The following ATG10 variants were observed in gnomAD, a reference collection of about 807,000 sequenced individuals.
ATG10 encodes the protein ubiquitin-like-conjugating enzyme ATG10.
In ATG10, 30 loss-of-function variants were observed where a neutral mutation model predicts 32.1. The ratio of observed to expected loss-of-function variants is 0.94; its 90% confidence interval spans 0.70 to 1.27. The LOEUF (loss-of-function observed/expected upper bound fraction) is 1.27. Ranked by LOEUF, ATG10 falls within the 50% of genes most tolerant of loss-of-function variation. The pLI, the probability that ATG10 is intolerant of heterozygous loss-of-function variation, is 0.00. For missense variants in ATG10, 233 were observed against 262.3 expected (o/e 0.89, Z 0.77); for synonymous variants, 87 against 91.5 (o/e 0.95, Z 0.28).
chr5:82,131,045 G>C (rs1766498219), intron 3 of ATG10, among the ~76,000 whole-genome samples: 1 of 151,994 alleles, frequency 6.6e-6, no homozygotes, highest in Admixed American at 6.6e-5. Context: ...ACAGAAACAT[G>C]GGCACAATAG....
At position 82,245,498 on chromosome 5, in the gene ATG10, C is replaced by T. The variant is rs146075781; in HGVS notation, c.454-7064C>T. ...AATAGTATTGGCTCAGGTTACTATG[C>T]TAACTTTGAATTCTGTGATTTCTGT... On this transcript the variant is annotated intron_variant, in intron 5 of 7. Coordinates refer to ENST00000282185, the MANE Select transcript of ATG10 (RefSeq NM_031482.5). Among the ~76,000 whole-genome samples, 3 of 152,264 alleles carry T rather than the reference C, an allele frequency of 2.0e-5. No homozygotes were observed. In the East Asian group the frequency reaches 5.8e-4, roughly 29 times the overall value.
rs546500823 is a variant in ATG10 at position 82,023,610 on chromosome 5, CTGTT to C, written c.109-34882_109-34879del. Among the ~76,000 whole-genome samples the C allele has an allele frequency of 2.3e-3, 354 of 152,290 alleles. 3 individuals carry two copies. The highest frequency in any genetic ancestry group is 8.2e-3 in the African/African-American group (339 of 41,564). On this transcript the variant is annotated intron_variant, in intron 2 of 7. Coordinates refer to ENST00000282185, the MANE Select transcript of ATG10 (RefSeq NM_031482.5). ...TACATTAATGAGTTTTGTACAGAGACTGTTTGGAATAAAATCCTTTTTCATCAGA... is the reference window on the plus strand; with the variant it reads ...TACATTAATGAGTTTTGTACAGAGACTGGAATAAAATCCTTTTTCATCAGA...
At chr5:82,106,112 G>A (rs973460768) in intron 3 of ATG10, among the ~76,000 whole-genome samples, 1 of 152,036 alleles carries the variant, frequency 6.6e-6, no homozygotes, top group East Asian at 1.9e-4. Flanking sequence ...TCAAGAATGT[G>A]CATGAAACCT....
intron 5 of ATG10, among the ~76,000 whole-genome samples, chr5:82,186,974 G>T (rs1454097476): frequency 6.6e-6 from 1 of 152,068 alleles, no homozygotes; most frequent in African/African-American, 2.4e-5. Context: ...ACATTTTAAT[G>T]AATTCTGTTT....
intron 5 of ATG10, among the ~76,000 whole-genome samples, chr5:82,245,888 C>T (rs1747009196): frequency 6.6e-6 from 1 of 152,086 alleles, no homozygotes; most frequent in South Asian, 2.1e-4. Context: ...AGTGTTGAAG[C>T]ATGTACAATT....
At chr5:82,030,769 G>T (rs1762722096) in intron 2 of ATG10, among the ~76,000 whole-genome samples, 1 of 152,182 alleles carries the variant, frequency 6.6e-6, no homozygotes, top group Admixed American at 6.5e-5. Context: ...CTACGTGACA[G>T]CCTGTCACAT....
chr5:82,031,382 A>G (rs1561263833), intron 2 of ATG10, among the ~76,000 whole-genome samples: 1 of 152,214 alleles, frequency 6.6e-6, no homozygotes, highest in Admixed American at 6.5e-5. Context: ...CAACACACAT[A>G]GGTTATCAAG....
At chr5:82,222,600 A>G (rs904341677) in intron 5 of ATG10, among the ~76,000 whole-genome samples, 1 of 152,206 alleles carries the variant, frequency 6.6e-6, no homozygotes, top group Non-Finnish European at 1.5e-5. Context: ...AAATGATGTT[A>G]TATTTAAATA....
intron 4 of ATG10, among the ~76,000 whole-genome samples, chr5:82,177,175 G>T (rs1348078116): frequency 6.6e-6 from 1 of 152,142 alleles, no homozygotes; most frequent in African/African-American, 2.4e-5. Flanking sequence ...ATTCACTAAT[G>T]TAAGCCTCAA....
intron 2 of ATG10, among the ~76,000 whole-genome samples, chr5:82,045,320 G>A (rs1763201018): frequency 6.6e-6 from 1 of 152,080 alleles, no homozygotes; most frequent in East Asian, 1.9e-4. Context: ...TTTAGGTTAA[G>A]ACATTATATA....
At chr5:82,072,238 C>T (rs1764151445) in intron 3 of ATG10, among the ~76,000 whole-genome samples, 1 of 152,028 alleles carries the variant, frequency 6.6e-6, no homozygotes, top group Non-Finnish European at 1.5e-5. Flanking sequence ...TTGTCCTTGT[C>T]TATGTATTCT....
chr5:82,151,104 C>T lies in ATG10; in HGVS notation c.217-13295C>T, dbSNP rs527800510. ...AAAGTGAATGCATGCCCCCAGAGGG[C>T]TTGCAAAACAATCCATTGAGATGTG... On this transcript the variant is annotated intron_variant, in intron 3 of 7. Transcript: ENST00000282185. 1.5e-3 allele frequency among the ~76,000 whole-genome samples: 226 copies of T among 152,294 alleles called. 2 individuals are homozygous for T. The highest frequency in any genetic ancestry group is 5.3e-3 in the African/African-American group (219 of 41,568).
At chr5:81,979,995 T>C (rs967788720) in intron 1 of ATG10, among the ~76,000 whole-genome samples, 5 of 152,122 alleles carry the variant, frequency 3.3e-5, no homozygotes, top group African/African-American at 1.2e-4. Flanking sequence ...CTTTTTTCTT[T>C]TGTGTGTTTG....
chr5:82,139,711 G>T (rs1766977834), intron 3 of ATG10, among the ~76,000 whole-genome samples: 4 of 128,466 alleles, frequency 3.1e-5, no homozygotes, highest in African/African-American at 1.0e-4. Flanking sequence ...GGAGGGAGGT[G>T]GGGGGGGGTC....
intron 5 of ATG10, among the ~76,000 whole-genome samples, chr5:82,196,249 G>A (rs1282398680): frequency 6.6e-6 from 1 of 151,982 alleles, no homozygotes; most frequent in Non-Finnish European, 1.5e-5. Flanking sequence ...TCATTGTCGA[G>A]TGATGAGAGT....
At chr5:82,169,960 T>C (rs1481229948) in intron 4 of ATG10, among the ~76,000 whole-genome samples, 1 of 152,148 alleles carries the variant, frequency 6.6e-6, no homozygotes, top group African/African-American at 2.4e-5. Flanking sequence ...ATGATAGCAA[T>C]AGAATCTCAT....
chr5:82,182,649 A>G (rs997718660), intron 5 of ATG10, among the ~76,000 whole-genome samples: 1 of 152,148 alleles, frequency 6.6e-6, no homozygotes, highest in African/African-American at 2.4e-5. Flanking sequence ...TTCCATTTCT[A>G]TAACATTTTT....
Position 82,014,272 on chromosome 5 carries a change from G to A in ATG10, c.108+26594G>A, listed in dbSNP as rs573853539. Among the ~76,000 whole-genome samples the A allele has an allele frequency of 2.7e-3, 413 of 152,324 alleles. 1 individual carries two copies. Among genetic ancestry groups the A allele is most frequent in the Middle Eastern group, 6.8e-3 (2 of 294 alleles). On this transcript the variant is annotated intron_variant, in intron 2 of 7. Transcript: ENST00000282185. ...AACTATGTGGTCAATTTTGGAATAA[G>A]TGCGATGTGGTGCTGAGAAGAATGT...
At chr5:82,035,584 A>G (rs934909174) in intron 2 of ATG10, among the ~76,000 whole-genome samples, 2 of 151,996 alleles carry the variant, frequency 1.3e-5, no homozygotes, top group Non-Finnish European at 2.9e-5. Context: ...GAAAAGTTAC[A>G]TATTTTTAGA....
Sources: allele counts gnomAD v4.1 joint callset (sites outside exome capture counted in the v4.1 genomes callset), GRCh38; gene constraint gnomAD v4.1.1; transcripts MANE v1.5; gene names NCBI Gene and HGNC (gene_info 2026-07-23, HGNC 2026-07-21).